Variants in ZNF717 observed in about 807,000 individuals in gnomAD.
ZNF717 encodes zinc finger protein 717.
A neutral mutation model predicts 13.8 loss-of-function variants in ZNF717; 9 were observed. The observed-to-expected ratio is 0.65, with a 90% confidence interval of 0.39 to 1.14. ZNF717 has a LOEUF of 1.14. Among genes scored for constraint, ZNF717 ranks in the 50% most tolerant of loss-of-function variants. The pLI is 0.01. For synonymous variants in ZNF717, 327 were observed against 364.1 expected (o/e 0.90, Z 1.16); for missense variants, 1,040 against 1,080.7 (o/e 0.96, Z 0.53).
At chr3:75,729,311 T>C (rs1342762475), downstream of ZNF717, among the ~76,000 whole-genome samples, 5 of 152,246 alleles carry the variant, frequency 3.3e-5, no homozygotes, top group Admixed American at 1.3e-4. Flanking sequence ...TTCTGTCCTA[T>C]GCACTGTAAA....
downstream of ZNF717, among the ~76,000 whole-genome samples, chr3:75,733,778 C>CAAAA (rs56196464): frequency 0.068 from 1,809 of 26,602 alleles, 247 homozygotes; most frequent in African/African-American, 0.16. Flanking sequence ...GACTCTATCT[C>CAAAA]AAAAAAAAAA....
intron 2 of ZNF717, among the ~76,000 whole-genome samples, chr3:75,768,734 C>G (rs556044809): frequency 6.6e-6 from 1 of 150,994 alleles, no homozygotes; most frequent in African/African-American, 2.4e-5. Context: ...GGGTAGATGA[C>G]AGGCCACCAC....
intron 2 of ZNF717, among the ~76,000 whole-genome samples, chr3:75,749,838 A>T (rs1941547513): frequency 6.6e-6 from 1 of 151,752 alleles, no homozygotes; most frequent in East Asian, 2.0e-4. Context: ...TCTGTGACTC[A>T]CATAGGATTC....
chr3:75,763,203 T>C (rs1233406016), intron 2 of ZNF717, among the ~76,000 whole-genome samples: 3 of 152,244 alleles, frequency 2.0e-5, no homozygotes, highest in Non-Finnish European at 4.4e-5. Context: ...TAAAAGTTTC[T>C]ATACCTCAAA....
chr3:75,738,538 G>A lies in ZNF717; in HGVS notation c.1085C>T (p.Thr362Ile), dbSNP rs746783676. ...SFLTLHERTH[T>I]GDKPYKCIEC... is the part of the protein sequence containing the mutation. ...AATACATTTGTAGGGTTTATCCCCT[G>A]TGTGAGTTCTCTCATGTAAAGTGAG... Residue 362 changes from threonine to isoleucine, a missense_variant, in exon 5 of 5, where the codon ACA becomes ATA. Transcript: ENST00000652011. 1 of 1,541,458 alleles carries A rather than the reference G, an allele frequency of 6.5e-7. No individual in the cohort carries two copies. The highest frequency in any genetic ancestry group is 8.8e-7 in the Non-Finnish European group (1 of 1,140,158).
chr3:75,783,726 T>C (rs973346911), intron 1 of ZNF717, among the ~76,000 whole-genome samples: 4 of 152,258 alleles, frequency 2.6e-5, no homozygotes, highest in African/African-American at 9.6e-5. Flanking sequence ...CTGGGCTGTA[T>C]TAACTATTTT....
intron 2 of ZNF717, among the ~76,000 whole-genome samples, chr3:75,776,659 A>C (rs1025923623): frequency 2.0e-5 from 3 of 152,214 alleles, no homozygotes; most frequent in African/African-American, 7.2e-5. Flanking sequence ...TAGTCTCACA[A>C]TTCAGAAGGG....
At chr3:75,772,202 AC>A (rs869297468) in intron 2 of ZNF717, among the ~76,000 whole-genome samples, 2 of 148,904 alleles carry the variant, frequency 1.3e-5, no homozygotes, top group South Asian at 2.1e-4. Context: ...GAAAGGAGCT[AC>A]CCCCTGCAGG....
chr3:75,769,218 A>G (rs1198609906), intron 2 of ZNF717, among the ~76,000 whole-genome samples: 1 of 152,152 alleles, frequency 6.6e-6, no homozygotes, highest in Non-Finnish European at 1.5e-5. Flanking sequence ...GAGGCCTTAC[A>G]GCTTCTGCCT....
At chr3:75,697,073 A>T (rs1243678767) in intron 6 of ZNF717, among the ~76,000 whole-genome samples, 3 of 152,382 alleles carry the variant, frequency 2.0e-5, no homozygotes, top group Non-Finnish European at 4.4e-5. Context: ...AGCTAGTATC[A>T]TACTAAGTGG....
At chr3:75,697,766 G>T (rs1293227671) in intron 6 of ZNF717, among the ~76,000 whole-genome samples, 2 of 152,310 alleles carry the variant, frequency 1.3e-5, no homozygotes, top group Non-Finnish European at 2.9e-5. Context: ...TGAAAATGTG[G>T]AATCAGCTTT....
rs1313154574 is a variant in ZNF717, at chr3:75,719,726, G to A, written n.545-3185C>T. On this transcript the variant is annotated intron_variant and non_coding_transcript_variant, in intron 4 of 5. Coordinates refer to the ZNF717 transcript ENST00000491507. ...AATCCCAGCACTTTGGGAGGCTGAGGCAGGTGGATCGCCTGAAGTCAGGAG... is the reference window on the plus strand; with the variant it reads ...AATCCCAGCACTTTGGGAGGCTGAGACAGGTGGATCGCCTGAAGTCAGGAG... 6.2e-3 allele frequency among the ~76,000 whole-genome samples: 942 copies of A among 152,234 alleles called. 8 individuals carry two copies. The highest frequency in any genetic ancestry group is 0.02 in the African/African-American group (850 of 41,518).
downstream of ZNF717, among the ~76,000 whole-genome samples, chr3:75,705,510 A>G (rs1937786979): frequency 6.6e-6 from 1 of 152,308 alleles, no homozygotes; most frequent in Non-Finnish European, 1.5e-5. Flanking sequence ...GCACCCCATA[A>G]GAACCCAGTC....
intron 6 of ZNF717, among the ~76,000 whole-genome samples, chr3:75,700,402 A>C (rs1937668322): frequency 6.6e-6 from 1 of 152,306 alleles, no homozygotes; most frequent in Non-Finnish European, 1.5e-5. Flanking sequence ...AAAAAAAAAA[A>C]AAAGACATTC....
chr3:75,721,544 G>C (rs1224038410), intron 4 of ZNF717, among the ~76,000 whole-genome samples: 57 of 152,278 alleles, frequency 3.7e-4, no homozygotes, highest in African/African-American at 1.3e-3. Flanking sequence ...GCCTCCCAAA[G>C]TGCTGGGATT....
chr3:75,776,529 G>C (rs914813922), intron 2 of ZNF717, among the ~76,000 whole-genome samples: 11 of 146,458 alleles, frequency 7.5e-5, no homozygotes, highest in Non-Finnish European at 1.5e-4. Flanking sequence ...GGTTCACTGA[G>C]GACAGCGAAC....
intron 2 of ZNF717, among the ~76,000 whole-genome samples, chr3:75,771,956 G>A (rs150698998): frequency 9.3e-4 from 141 of 152,382 alleles, no homozygotes; most frequent in Middle Eastern, 6.8e-3. Flanking sequence ...ACCCGGCCCG[G>A]TGTGTGCAAG....
intron 2 of ZNF717, among the ~76,000 whole-genome samples, chr3:75,773,056 G>A (rs77954315): frequency 2.9e-3 from 353 of 122,370 alleles, no homozygotes; most frequent in South Asian, 8.8e-3. Flanking sequence ...GTTCCAGTTA[G>A]AGGCCTCCTA....
At chr3:75,721,435 G>A (rs78079818) in intron 4 of ZNF717, among the ~76,000 whole-genome samples, 1 of 150,660 alleles carries the variant, frequency 6.6e-6, no homozygotes, top group African/African-American at 2.4e-5. Context: ...GCGAGCGCCA[G>A]CACGCCTGGC....
Sources: allele counts gnomAD v4.1 joint callset (sites outside exome capture counted in the v4.1 genomes callset), GRCh38; gene constraint gnomAD v4.1.1; transcripts MANE v1.5; gene names NCBI Gene and HGNC (gene_info 2026-07-23, HGNC 2026-07-21).